CDH4: variants seen among roughly 807,000 people sequenced by gnomAD.
The protein encoded by CDH4 is cadherin 4.
Under a neutral mutation model 86.0 loss-of-function variants are expected in CDH4, and 33 were observed. That is an observed-to-expected ratio of 0.38 (90% CI 0.29 to 0.51). The LOEUF (loss-of-function observed/expected upper bound fraction) is 0.51, where lower values mean the gene tolerates loss of function less well. Ranked by LOEUF, CDH4 falls within the 20% of genes least tolerant of loss-of-function variation. The pLI is 0.86. For synonymous variants in CDH4, 555 were observed against 549.4 expected (o/e 1.01, Z -0.14); for missense variants, 1,114 against 1,307.4 (o/e 0.85, Z 2.28).
chr20:61,419,379 C>G (rs955091907), intron 2 of CDH4, among the ~76,000 whole-genome samples: 10 of 152,224 alleles, frequency 6.6e-5, no homozygotes, highest in Non-Finnish European at 1.3e-4. Flanking sequence ...CTAATCCTTA[C>G]AGCTTAGGCA....
At chr20:61,558,021 AGAACAGTTATGTTTT>A (rs2086190289) in intron 2 of CDH4, among the ~76,000 whole-genome samples, 1 of 152,172 alleles carries the variant, frequency 6.6e-6, no homozygotes, top group Non-Finnish European at 1.5e-5. Context: ...AGTTGGAATG[AGAACAGTTATGTTTT>A]CAAGCTCGAG....
chr20:61,665,513 G>A (rs1018396222), intron 2 of CDH4, among the ~76,000 whole-genome samples: 3 of 152,140 alleles, frequency 2.0e-5, no homozygotes, highest in Non-Finnish European at 2.9e-5. Flanking sequence ...TTCTTTCCCT[G>A]GGTTCTCCCT....
intron 8 of CDH4, among the ~76,000 whole-genome samples, chr20:61,904,406 C>T (rs2054765699): frequency 6.6e-6 from 1 of 152,142 alleles, no homozygotes; most frequent in Non-Finnish European, 1.5e-5. Flanking sequence ...CAGCTTCTCC[C>T]TCTTCCGTCT....
At chr20:61,855,575 G>A (rs1982961769) in intron 6 of CDH4, among the ~76,000 whole-genome samples, 1 of 152,196 alleles carries the variant, frequency 6.6e-6, no homozygotes, top group African/African-American at 2.4e-5. Context: ...AAAGGCGCCT[G>A]GATTTTCCTG....
chr20:61,458,954 CT>C (rs201562406), intron 2 of CDH4, among the ~76,000 whole-genome samples: 52,247 of 142,856 alleles, frequency 0.37, 10,275 homozygotes, highest in Admixed American at 0.49. Context: ...GCTATCCCCA[CT>C]TTTTTTTTTT....
chr20:61,781,310 C>G (rs1006832262), intron 4 of CDH4, among the ~76,000 whole-genome samples: 1 of 151,916 alleles, frequency 6.6e-6, no homozygotes, highest in African/African-American at 2.4e-5. Context: ...AACCCAGGAA[C>G]CCTGAGATCA....
intron 2 of CDH4, among the ~76,000 whole-genome samples, chr20:61,507,068 T>A (rs1387590393): frequency 6.6e-6 from 1 of 152,210 alleles, no homozygotes; most frequent in Non-Finnish European, 1.5e-5. Context: ...CTTTTGAGTG[T>A]TTTGTTTTCC....
At chr20:61,387,245 C>G (rs2084956527) in intron 2 of CDH4, among the ~76,000 whole-genome samples, 1 of 151,878 alleles carries the variant, frequency 6.6e-6, no homozygotes, top group Non-Finnish European at 1.5e-5. Context: ...GCCACACAAA[C>G]ACACAGAGGC....
chr20:61,683,412 G>A lies in CDH4; in HGVS notation c.170-60151G>A, dbSNP rs565401550. 2.0e-5 allele frequency among the ~76,000 whole-genome samples: 3 copies of A among 152,324 alleles called. No individual in the cohort carries two copies. The South Asian group carries it at 6.2e-4, about 32-fold the overall frequency. On this transcript the variant is annotated intron_variant, in intron 2 of 15. Transcript: ENST00000614565. ...CTGTACCCTGCAGTGAACGGCACGGGTTGCTTTCCTTGGAGCTGTCACGGT... is the reference window on the plus strand; with the variant it reads ...CTGTACCCTGCAGTGAACGGCACGGATTGCTTTCCTTGGAGCTGTCACGGT...
rs531356217 is a variant in CDH4, at chr20:61,291,149, C to G, written c.169+36212C>G. On this transcript the variant is annotated intron_variant, in intron 2 of 15. Transcript: ENST00000614565. ...GAACCTCTCTTTTCCAGTCATCCTC[C>G]CCCAAGTCCTGTCTCTGAGTCTCAC... 1.1e-4 allele frequency among the ~76,000 whole-genome samples: 17 copies of G among 152,326 alleles called. No homozygotes were observed. The East Asian group carries it at 3.1e-3, about 28-fold the overall frequency.
Position 61,544,572 on chromosome 20 carries a change from G to A in CDH4, c.170-198991G>A, listed in dbSNP as rs1316510258. On this transcript the variant is annotated intron_variant, in intron 2 of 15. Coordinates refer to ENST00000614565, the MANE Select transcript of CDH4 (RefSeq NM_001794.5). The surrounding 1 kb of genome is among the most constrained non-coding windows in gnomAD (Gnocchi z 6.5). Reference sequence around the variant, plus strand: ...GCAGAGACGGTGACGGGATCCCTGCGTTGACGGTGGCATGACCGTGTGTGA... The same window carrying A: ...GCAGAGACGGTGACGGGATCCCTGCATTGACGGTGGCATGACCGTGTGTGA... Among the ~76,000 whole-genome samples, 3 of 151,798 alleles carry A rather than the reference G, an allele frequency of 2.0e-5. No individual in the cohort carries two copies. The highest frequency in any genetic ancestry group is 2.9e-5 in the Non-Finnish European group (2 of 67,976).
chr20:61,596,193 T>C (rs1340647910), intron 2 of CDH4, among the ~76,000 whole-genome samples: 1 of 152,238 alleles, frequency 6.6e-6, no homozygotes, highest in African/African-American at 2.4e-5. Context: ...TAAAGTTTTC[T>C]TTCCTCTTTC....
intron 4 of CDH4, among the ~76,000 whole-genome samples, chr20:61,813,514 G>A (rs1281526024): frequency 6.6e-6 from 1 of 152,224 alleles, no homozygotes; most frequent in Non-Finnish European, 1.5e-5. Context: ...GTCACAGCTG[G>A]AAGGCAGTGG....
chr20:61,352,613 C>A (rs1333613742), intron 2 of CDH4, among the ~76,000 whole-genome samples: 5 of 152,184 alleles, frequency 3.3e-5, no homozygotes, highest in Non-Finnish European at 7.3e-5. Flanking sequence ...GTTTTGATTT[C>A]TATCGCCTGG....
rs1424297335 is a variant in CDH4 at position 61,940,407 on chromosome 20, C to T, written c.*3464C>T. 3 of 150,824 alleles carry T rather than the reference C, an allele frequency of 2.0e-5. No homozygotes were observed. The highest frequency in any genetic ancestry group is 1.9e-4 in the East Asian group (1 of 5,162). 9.3% of individuals were successfully genotyped at this position (150,824 alleles called of 1,614,324 possible). A position where few individuals can be genotyped will look rare whatever the true frequency, so the allele number is the denominator to read the frequency against. Reference sequence around the variant, plus strand: ...TAAACGTTCCACCTTTTTTTGTAATCGTCAACAGCACAACTATTTTGTATT... The same window carrying T: ...TAAACGTTCCACCTTTTTTTGTAATTGTCAACAGCACAACTATTTTGTATT... On this transcript the variant is annotated 3_prime_UTR_variant, in exon 16 of 16. Transcript: ENST00000614565.
intron 2 of CDH4, among the ~76,000 whole-genome samples, chr20:61,584,664 C>T (rs73138619): frequency 0.018 from 2,713 of 152,248 alleles, 36 homozygotes; most frequent in Middle Eastern, 0.058. Context: ...AAATATAACA[C>T]GAGCTCAGCA....
At chr20:61,856,523 C>T (rs1983017780) in intron 6 of CDH4, among the ~76,000 whole-genome samples, 1 of 151,110 alleles carries the variant, frequency 6.6e-6, no homozygotes, top group Non-Finnish European at 1.5e-5. Context: ...GCATCCCACA[C>T]TCTTCCCCAC....
At chr20:61,567,051 A>T (rs2086303702) in intron 2 of CDH4, among the ~76,000 whole-genome samples, 2 of 152,144 alleles carry the variant, frequency 1.3e-5, no homozygotes, top group Admixed American at 1.3e-4. Context: ...CTCTGTTCCA[A>T]ACGCCCATAT....
intron 2 of CDH4, among the ~76,000 whole-genome samples, chr20:61,426,754 C>A (rs888363481): frequency 6.6e-6 from 1 of 152,216 alleles, no homozygotes; most frequent in African/African-American, 2.4e-5. Flanking sequence ...CCCGCAAATT[C>A]CTGCAGGGAA....
Sources: gnomAD v4.1 joint callset for allele counts (sites outside exome capture counted in the v4.1 genomes callset) on GRCh38, gnomAD v4.1.1 for gene constraint, Gnocchi (gnomAD v3.1) non-coding constraint, MANE v1.5 for transcripts, NCBI Gene and HGNC (gene_info 2026-07-23, HGNC 2026-07-21) for gene names.